The following RLIG1 variants were observed in gnomAD, a reference collection of about 807,000 sequenced individuals.
RLIG1 encodes the protein RNA 5'-phosphate and 3'-OH ligase 1.
the RLIG1 span, chr12:88,035,959 G>A: frequency 2.6e-6 from 4 of 1,524,604 alleles, no homozygotes; most frequent in African/African-American, 4.1e-5. Flanking sequence ...ATTTGCGAAA[G>A]AATTTTCCTT....
the RLIG1 span, chr12:88,035,738 G>A: frequency 6.3e-7 from 1 of 1,595,266 alleles, no homozygotes; most frequent in Non-Finnish European, 8.5e-7. Flanking sequence ...GGGAGCATCA[G>A]GTACGGAGGA....
chr12:88,035,968 T>A, the RLIG1 span: 9 of 1,522,544 alleles, frequency 5.9e-6, no homozygotes, highest in African/African-American at 1.1e-4. Context: ...AGAATTTTCC[T>A]TATCAGGAGA....
the RLIG1 span, among the ~76,000 whole-genome samples, chr12:88,046,508 G>A: frequency 1.3e-5 from 2 of 151,926 alleles, no homozygotes; most frequent in East Asian, 3.9e-4. Flanking sequence ...GCTACAGACA[G>A]TACTTACATG....
chr12:88,048,411 T>TTTGA, the RLIG1 span: 1 of 1,424,476 alleles, frequency 7.0e-7, no homozygotes. Flanking sequence ...AGATATAATA[T>TTTGA]TTGATGTATA....
the RLIG1 span, chr12:88,045,627 C>T: frequency 1.2e-6 from 2 of 1,612,674 alleles, no homozygotes; most frequent in African/African-American, 2.7e-5. Flanking sequence ...TGCTGGCATT[C>T]CTCTGTAGTT....
chr12:88,046,808 G>T, the RLIG1 span: 1 of 1,605,252 alleles, frequency 6.2e-7, no homozygotes, highest in South Asian at 1.1e-5. Context: ...CCCACTTAGG[G>T]TTAGGGAGCA....
At chr12:88,036,038 T>C in the RLIG1 span, 3 of 1,445,900 alleles carry the variant, frequency 2.1e-6, no homozygotes, top group Non-Finnish European at 1.8e-6. Context: ...CCCTTCCTTT[T>C]CAGGTCAGCA....
At chr12:88,039,090 G>A in the RLIG1 span, among the ~76,000 whole-genome samples, 1 of 152,126 alleles carries the variant, frequency 6.6e-6, no homozygotes, top group Non-Finnish European at 1.5e-5. Context: ...CATCTGAAGG[G>A]TGATGACGTG....
the RLIG1 span, chr12:88,048,504 A>G: frequency 2.6e-6 from 2 of 777,808 alleles, no homozygotes; most frequent in Non-Finnish European, 3.7e-6. Flanking sequence ...GTTTCTGTTC[A>G]TTATGAAACA....
chr12:88,049,239 G>A, the RLIG1 span: 1 of 1,608,722 alleles, frequency 6.2e-7, no homozygotes. Context: ...CTCTTCAGAA[G>A]CAGCAACAGG....
the RLIG1 span, chr12:88,040,011 T>C: frequency 4.7e-4 from 307 of 653,318 alleles, no homozygotes; most frequent in Admixed American, 9.9e-4. Context: ...AGAATAAATA[T>C]TTTTAAATCA....
the RLIG1 span, chr12:88,049,393 T>C: frequency 6.6e-7 from 1 of 1,507,840 alleles, no homozygotes; most frequent in Non-Finnish European, 9.1e-7. Flanking sequence ...TCCAGTTCTT[T>C]TTTCAGCTTC....
chr12:88,041,894 G>T, the RLIG1 span: 4 of 152,250 alleles, frequency 2.6e-5, no homozygotes, highest in African/African-American at 9.6e-5. Flanking sequence ...ATCATTATGC[G>T]TGAGGACGGC....
chr12:88,040,124 G>A, the RLIG1 span: 1 of 1,393,264 alleles, frequency 7.2e-7, no homozygotes, highest in Non-Finnish European at 1.0e-6. Flanking sequence ...TCTTAAACCG[G>A]TTTTCTCTCT....
At chr12:88,048,167 CAA>C in the RLIG1 span, 2 of 1,277,054 alleles carry the variant, frequency 1.6e-6, no homozygotes, top group African/African-American at 3.1e-5. Context: ...AGTGGGCACT[CAA>C]ATATTTCTAA....
At chr12:88,048,386 AT>A in the RLIG1 span, 2 of 1,555,426 alleles carry the variant, frequency 1.3e-6, no homozygotes, top group East Asian at 4.6e-5. Flanking sequence ...ATAATCAGAA[AT>A]TTGTTAGACT....
At chr12:88,035,815 G>C in the RLIG1 span, 1 of 1,545,836 alleles carries the variant, frequency 6.5e-7, no homozygotes, top group Non-Finnish European at 8.7e-7. Context: ...CGAACCCGGC[G>C]AGGGCGGCTG....
chr12:88,040,174 T>C, the RLIG1 span: 3 of 1,610,312 alleles, frequency 1.9e-6, no homozygotes, highest in South Asian at 2.2e-5. Context: ...CAACTGAAAC[T>C]GTAAGTCACA....
the RLIG1 span, among the ~76,000 whole-genome samples, chr12:88,047,221 C>T: frequency 1.3e-4 from 20 of 152,212 alleles, no homozygotes; most frequent in African/African-American, 3.4e-4. Flanking sequence ...ATATCCCCTG[C>T]GTGGAAATTC....
Sources: gnomAD v4.1 joint callset for allele counts (sites outside exome capture counted in the v4.1 genomes callset) on GRCh38, gnomAD v4.1.1 for gene constraint, MANE v1.5 for transcripts, NCBI Gene and HGNC (gene_info 2026-07-23, HGNC 2026-07-21) for gene names.